Variants in GATAD2A observed in about 807,000 individuals in gnomAD.
GATAD2A encodes the protein transcriptional repressor p66-alpha.
A neutral mutation model predicts 68.5 loss-of-function variants in GATAD2A; 12 were observed. That is an observed-to-expected ratio of 0.18 (90% CI 0.11 to 0.28). The LOEUF is 0.28. GATAD2A is among the 10% of genes least tolerant of loss of function. The pLI, the probability that GATAD2A is intolerant of heterozygous loss-of-function variation, is 1.00. For synonymous variants in GATAD2A, 410 were observed against 375.3 expected, an observed-to-expected ratio of 1.09 and a Z score of -1.07; for missense variants, 755 against 868.5, an observed-to-expected ratio of 0.87 and a Z score of 1.64.
intron 2 of GATAD2A, among the ~76,000 whole-genome samples, chr19:19,475,243 G>A (rs1183688136): frequency 6.6e-6 from 1 of 152,246 alleles, no homozygotes; most frequent in Admixed American, 6.5e-5. Flanking sequence ...TCGACGTGAG[G>A]GCTCAGGAAA....
intron 1 of GATAD2A, among the ~76,000 whole-genome samples, chr19:19,397,506 T>C (rs946522711): frequency 8.5e-5 from 13 of 152,336 alleles, no homozygotes; most frequent in African/African-American, 3.1e-4. Context: ...ATTACAGGCA[T>C]GAGCCTCCGT....
At chr19:19,412,369 A>G (rs1405932148) in intron 1 of GATAD2A, among the ~76,000 whole-genome samples, 2 of 151,400 alleles carry the variant, frequency 1.3e-5, no homozygotes, top group African/African-American at 2.4e-5. Context: ...GTTGGCCAGG[A>G]TGGTCTTGAT....
chr19:19,474,641 G>T, intron 2 of GATAD2A, among the ~76,000 whole-genome samples: 1 of 152,326 alleles, frequency 6.6e-6, no homozygotes, highest in East Asian at 1.9e-4. Flanking sequence ...AGCACCCGCT[G>T]CTGTGCAAGG....
intron 1 of GATAD2A, among the ~76,000 whole-genome samples, chr19:19,409,377 T>TAG (rs949063352): frequency 1.3e-5 from 2 of 152,164 alleles, no homozygotes; most frequent in African/African-American, 4.8e-5. Context: ...CCTGGGGTAA[T>TAG]AGAGCATCCC....
At chr19:19,385,911 G>C (rs1298315604) in exon 1 of GATAD2A, 1 of 149,676 alleles carries the variant, frequency 6.7e-6, no homozygotes, top group South Asian at 2.1e-4. Context: ...CCCGCCCAGG[G>C]TCAGCGCCCC....
chr19:19,492,261 C>G, intron 2 of GATAD2A, 45 bp from the exon 3 acceptor site: 1 of 1,570,160 alleles, frequency 6.4e-7, no homozygotes, highest in African/African-American at 1.4e-5. Flanking sequence ...GGCACTGGGT[C>G]CAGCTGTCAA....
rs904025963 is a variant in GATAD2A, at chr19:19,431,234, G to A, written c.-7+25215G>A. Among the ~76,000 whole-genome samples the A allele has an allele frequency of 5.9e-5, 9 of 151,298 alleles. No homozygotes were observed. The South Asian group carries it at 6.3e-4, about 11-fold the overall frequency. On this transcript the variant is annotated intron_variant, in intron 1 of 11. Transcript: ENST00000683918. ...TAGATTAGTGGAAAGCGATTACAGT[G>A]TATTTTCAAGAAATGCTGCTAGTTG...
chr19:19,460,551 C>T (rs750468026), intron 1 of GATAD2A, among the ~76,000 whole-genome samples: 43 of 152,188 alleles, frequency 2.8e-4, no homozygotes, highest in Non-Finnish European at 1.2e-4. Context: ...CCCCCAGGTT[C>T]AGGGCTCTGC....
chr19:19,451,696 A>G (rs1029258455), intron 1 of GATAD2A, among the ~76,000 whole-genome samples: 3 of 152,182 alleles, frequency 2.0e-5, no homozygotes, highest in Admixed American at 1.3e-4. Context: ...CACATGCTCT[A>G]CAACTTGGTG....
At chr19:19,448,457 T>C (rs2055997280) in intron 1 of GATAD2A, among the ~76,000 whole-genome samples, 2 of 152,206 alleles carry the variant, frequency 1.3e-5, no homozygotes, top group South Asian at 4.1e-4. Context: ...TGATCTCCAG[T>C]GTGAGCACAG....
intron 1 of GATAD2A, among the ~76,000 whole-genome samples, chr19:19,411,122 C>A (rs1253417558): frequency 1.3e-5 from 2 of 152,212 alleles, no homozygotes; most frequent in East Asian, 3.9e-4. Context: ...GCTTTGTGCC[C>A]CAGCCTATTC....
At chr19:19,451,758 A>G (rs2056410631) in intron 1 of GATAD2A, among the ~76,000 whole-genome samples, 1 of 152,200 alleles carries the variant, frequency 6.6e-6, no homozygotes, top group African/African-American at 2.4e-5. Context: ...CATATTCTTG[A>G]GACAAGTAGA....
intron 1 of GATAD2A, among the ~76,000 whole-genome samples, chr19:19,412,216 C>G (rs575453718): frequency 6.6e-6 from 1 of 150,976 alleles, no homozygotes; most frequent in Non-Finnish European, 1.5e-5. Context: ...AGTGCAGTGA[C>G]GCGATCTCAG....
At chr19:19,485,014 G>A (rs889614676) in intron 2 of GATAD2A, among the ~76,000 whole-genome samples, 6 of 152,088 alleles carry the variant, frequency 3.9e-5, no homozygotes, top group Non-Finnish European at 7.4e-5. Flanking sequence ...TTTCATTGTT[G>A]GGCAGCTCTG....
At chr19:19,470,119 T>C (rs1262971920) in intron 2 of GATAD2A, among the ~76,000 whole-genome samples, 4 of 151,530 alleles carry the variant, frequency 2.6e-5, no homozygotes, top group African/African-American at 7.3e-5. Context: ...GACCAAAAAA[T>C]TACTAGAGCC....
At chr19:19,480,927 A>C (rs1468030354) in intron 2 of GATAD2A, among the ~76,000 whole-genome samples, 2 of 152,190 alleles carry the variant, frequency 1.3e-5, no homozygotes, top group Admixed American at 6.5e-5. Context: ...AGCACTTTCC[A>C]TTCATTGAGA....
chr19:19,407,984 T>C (rs1456945692), intron 1 of GATAD2A, among the ~76,000 whole-genome samples: 1 of 152,218 alleles, frequency 6.6e-6, no homozygotes, highest in African/African-American at 2.4e-5. Context: ...AATGGAAAGA[T>C]TTGGATGCAG....
chr19:19,421,291 G>C (rs1280544917), intron 1 of GATAD2A, among the ~76,000 whole-genome samples: 1 of 152,198 alleles, frequency 6.6e-6, no homozygotes, highest in Non-Finnish European at 1.5e-5. Flanking sequence ...TGGAGGAAGA[G>C]AAGGCTGGCC....
intron 1 of GATAD2A, among the ~76,000 whole-genome samples, chr19:19,413,440 T>G (rs2051200812): frequency 6.6e-6 from 1 of 152,162 alleles, no homozygotes; most frequent in African/African-American, 2.4e-5. Context: ...TGTCTTCTCA[T>G]GTAGTGTCCC....
Sources: gnomAD v4.1 joint callset for allele counts (sites outside exome capture counted in the v4.1 genomes callset) on GRCh38, gnomAD v4.1.1 for gene constraint, MANE v1.5 for transcripts, NCBI Gene and HGNC (gene_info 2026-07-23, HGNC 2026-07-21) for gene names.